TRPM3: variants seen among roughly 807,000 people sequenced by gnomAD.
TRPM3 encodes the protein long transient receptor potential channel 3.
TRPM3 carries 77 observed loss-of-function variants against 181.2 expected under a neutral mutation model. The ratio of observed to expected loss-of-function variants is 0.42; its 90% CI spans 0.35 to 0.51. TRPM3 has a LOEUF of 0.51. TRPM3 is among the 20% of genes least tolerant of loss of function. TRPM3 has a pLI of 0.01. For synonymous variants in TRPM3, 745 were observed against 796.4 expected, an observed-to-expected ratio of 0.94 and a Z score of 1.09; for missense variants, 1,759 against 2,196.7, an observed-to-expected ratio of 0.80 and a Z score of 3.98.
Position 71,351,939 on chromosome 9 carries a change from G to A in TRPM3, c.183+94714C>T, listed in dbSNP as rs553783725. Among the ~76,000 whole-genome samples the A allele has an allele frequency of 2.7e-4, 39 of 147,020 alleles. No individual in the cohort carries two copies. In the South Asian group the frequency reaches 8.3e-3, roughly 31 times the overall value. On this transcript the variant is annotated intron_variant, in intron 1 of 24. Transcript: ENST00000357533. ...CGCCCAGGCTGGAGTGCTGTGGCGT[G>A]ATCTTGGCTCACTGCAAGCTCCGCC... is the stretch of plus-strand genomic sequence containing the variant.
intron 1 of TRPM3, among the ~76,000 whole-genome samples, chr9:70,985,976 A>T (rs2097417557): frequency 6.6e-6 from 1 of 152,172 alleles, no homozygotes; most frequent in African/African-American, 2.4e-5. Context: ...GTTCTAAACA[A>T]AGTTAATGAT....
chr9:71,107,234 C>T (rs2069854119), intron 1 of TRPM3, among the ~76,000 whole-genome samples: 1 of 152,196 alleles, frequency 6.6e-6, no homozygotes, highest in African/African-American at 2.4e-5. Flanking sequence ...ACTTCATTCC[C>T]TTCAAGGGAG....
chr9:71,418,218 G>T (rs775401340), intron 1 of TRPM3, among the ~76,000 whole-genome samples: 3 of 151,784 alleles, frequency 2.0e-5, no homozygotes, highest in Non-Finnish European at 4.4e-5. Flanking sequence ...GCTGGTTTTG[G>T]GGTGGCAAGC....
chr9:70,852,071 A>T (rs527421395), intron 3 of TRPM3, among the ~76,000 whole-genome samples: 1 of 143,378 alleles, frequency 7.0e-6, no homozygotes, highest in East Asian at 2.2e-4. Flanking sequence ...GTGAGCTGAG[A>T]TCACGCCACT....
rs571383531 is a variant in TRPM3 at position 71,095,286 on chromosome 9, G to A, written c.177+25892C>T. 8.5e-4 allele frequency among the ~76,000 whole-genome samples: 129 copies of A among 152,236 alleles called. 1 individual carries two copies. Among genetic ancestry groups the A allele is most frequent in the Non-Finnish European group, 1.5e-3 (102 of 68,008 alleles). ...ACGCAGAAGGGGTAAAACTGACTCC[G>A]TCGTCATGTATAAAAGATGAAACCA... is the stretch of plus-strand genomic sequence containing the variant. On this transcript the variant is annotated intron_variant, in intron 1 of 25. Transcript: ENST00000677713.
intron 22 of TRPM3, among the ~76,000 whole-genome samples, chr9:70,571,509 C>A (rs2052362344): frequency 2.0e-5 from 3 of 152,066 alleles, no homozygotes; most frequent in Admixed American, 2.0e-4. Flanking sequence ...ATAGTTGTAC[C>A]TCTTAGGCAA....
At chr9:70,911,245 T>C (rs1231266645) in intron 1 of TRPM3, among the ~76,000 whole-genome samples, 1 of 152,246 alleles carries the variant, frequency 6.6e-6, no homozygotes, top group Non-Finnish European at 1.5e-5. Flanking sequence ...AAGGATTTTA[T>C]TATTTCAATT....
chr9:71,064,867 T>C (rs2133410458), intron 1 of TRPM3, among the ~76,000 whole-genome samples: 1 of 152,256 alleles, frequency 6.6e-6, no homozygotes, highest in African/African-American at 2.4e-5. Flanking sequence ...ATCTTCTTAT[T>C]AGCCCAGAAA....
At chr9:70,569,881 TA>T (rs1208222676) in intron 22 of TRPM3, among the ~76,000 whole-genome samples, 2 of 152,150 alleles carry the variant, frequency 1.3e-5, no homozygotes, top group African/African-American at 4.8e-5. Context: ...AAAAAATATT[TA>T]AAAATATATT....
chr9:70,862,938 G>T lies in TRPM3; in HGVS notation c.432C>A (p.Phe144Leu). 6.2e-7 allele frequency: 1 copy of T among 1,613,568 alleles called. No homozygotes were observed. The highest frequency in any genetic ancestry group is 8.5e-7 in the Non-Finnish European group (1 of 1,179,656). Residue 144 changes from phenylalanine (F) to leucine (L), a missense_variant, in exon 3 of 26, where the codon TTC becomes TTA. Phe to Leu is a conservative substitution (Grantham distance 22, BLOSUM62 0). Transcript: ENST00000677713. ...SPTDAFGTIE[F>L]QGGGHSNKAM... is the part of the protein sequence containing the mutation. The stretch of plus-strand genomic sequence containing the variant: ...CTTTGTTGGAATGGCCACCTCCTTG[G>T]AACTCAATGGTCCCAAAAGCATCCG...
At chr9:70,979,280 CATTT>C (rs1244220849) in intron 1 of TRPM3, among the ~76,000 whole-genome samples, 2 of 152,136 alleles carry the variant, frequency 1.3e-5, no homozygotes, top group Non-Finnish European at 1.5e-5. Context: ...TTCATTCATT[CATTT>C]ATCAGATATT....
At chr9:70,547,642 C>T (rs1039422987) in intron 25 of TRPM3, among the ~76,000 whole-genome samples, 2 of 151,960 alleles carry the variant, frequency 1.3e-5, no homozygotes, top group African/African-American at 2.4e-5. Context: ...GTTTGTTTCT[C>T]TGGCACCTGG....
chr9:71,315,852 A>G (rs1162072255), intron 1 of TRPM3, among the ~76,000 whole-genome samples: 5 of 152,162 alleles, frequency 3.3e-5, no homozygotes, highest in African/African-American at 4.8e-5. Flanking sequence ...ATGTAGATGT[A>G]TTATAGTTTT....
intron 1 of TRPM3, among the ~76,000 whole-genome samples, chr9:71,166,420 C>A (rs1052706812): frequency 6.6e-5 from 10 of 152,000 alleles, no homozygotes; most frequent in African/African-American, 2.4e-4. Context: ...AGGGATTAGG[C>A]CTTGAAAAAG....
intron 1 of TRPM3, among the ~76,000 whole-genome samples, chr9:71,111,830 T>G (rs1269184986): frequency 3.3e-5 from 5 of 152,222 alleles, no homozygotes; most frequent in Admixed American, 1.3e-4. Flanking sequence ...GTTATTTGCC[T>G]TCTTTCCAGC....
At chr9:70,885,723 T>C (rs993778754) in intron 1 of TRPM3, among the ~76,000 whole-genome samples, 1 of 152,232 alleles carries the variant, frequency 6.6e-6, no homozygotes, top group African/African-American at 2.4e-5. Context: ...CCAATTTTTC[T>C]TGAGTTTTCT....
intron 22 of TRPM3, among the ~76,000 whole-genome samples, chr9:70,588,225 G>C (rs533646304): frequency 6.6e-6 from 1 of 152,106 alleles, no homozygotes; most frequent in East Asian, 1.9e-4. Context: ...TGATCTTATC[G>C]ATCTTTGATC....
intron 1 of TRPM3, among the ~76,000 whole-genome samples, chr9:70,905,145 G>A (rs2096444162): frequency 6.6e-6 from 1 of 152,098 alleles, no homozygotes; most frequent in Non-Finnish European, 1.5e-5. Flanking sequence ...ATGCAATGTG[G>A]GTCATATTCT....
rs369408789 is a variant in TRPM3 at position 71,435,988 on chromosome 9, C to T, written c.183+10665G>A. ...CTGATATGGCTTGGCTGTGTCCCCA[C>T]CCAAATCTCAACTTGAATTGTATCT... On this transcript the variant is annotated intron_variant, in intron 1 of 24. Transcript: ENST00000357533. Among the ~76,000 whole-genome samples, 33 of 152,288 alleles carry T rather than the reference C, an allele frequency of 2.2e-4. 1 individual carries two copies. Among genetic ancestry groups the T allele is most frequent in the African/African-American group, 7.0e-4 (29 of 41,560 alleles).
Sources: gnomAD v4.1 joint callset for allele counts (sites outside exome capture counted in the v4.1 genomes callset) on GRCh38, gnomAD v4.1.1 for gene constraint, MANE v1.5 for transcripts, NCBI Gene and HGNC (gene_info 2026-07-23, HGNC 2026-07-21) for gene names.